The following INO80 variants were observed in gnomAD, a reference collection of about 807,000 sequenced individuals.
INO80 encodes chromatin-remodeling ATPase INO80.
Under a neutral mutation model 203.4 loss-of-function variants are expected in INO80, and 20 were observed. That is an observed-to-expected ratio of 0.10 (90% CI 0.07 to 0.14). The LOEUF is 0.14. Among genes scored for constraint, INO80 ranks in the 10% least tolerant of loss-of-function variants. The pLI, the probability that INO80 is intolerant of heterozygous loss-of-function variation, is 1.00. For synonymous variants in INO80, 726 were observed against 685.2 expected (o/e 1.06, Z -0.93); for missense variants, 1,419 against 1,914.4 (o/e 0.74, Z 4.83).
At chr15:41,060,046 C>T (rs1249942287) in intron 14 of INO80, 120 bp from the exon 15 acceptor site, 2 of 644,996 alleles carry the variant, frequency 3.1e-6, no homozygotes, top group African/African-American at 3.8e-5. Flanking sequence ...GAATTCCTCT[C>T]CTGCCAATGG....
chr15:40,986,984 C>T (rs2043744366), intron 31 of INO80, 107 bp downstream of exon 31: 3 of 602,656 alleles, frequency 5.0e-6, no homozygotes, highest in East Asian at 2.8e-5. Context: ...CACAAAAATA[C>T]TTTCCCTAAA....
chr15:41,104,402 T>C (rs1269638343), intron 1 of INO80, among the ~76,000 whole-genome samples: 1 of 152,122 alleles, frequency 6.6e-6, no homozygotes, highest in South Asian at 2.1e-4. Context: ...TCAGCTGCCC[T>C]GCCAACAGCT....
chr15:41,078,260 T>C (rs897784096), intron 9 of INO80, among the ~76,000 whole-genome samples: 30 of 152,152 alleles, frequency 2.0e-4, no homozygotes, highest in Non-Finnish European at 4.1e-4. Flanking sequence ...CGAAGTAGAT[T>C]AAGAAAACAG....
At chr15:41,108,442 A>G (rs1028234680) in intron 1 of INO80, among the ~76,000 whole-genome samples, 2 of 151,818 alleles carry the variant, frequency 1.3e-5, no homozygotes, top group African/African-American at 4.8e-5. Flanking sequence ...AATACAAAAA[A>G]TTAGCCGGGC....
At chr15:41,075,857 T>A (rs944543871) in intron 9 of INO80, among the ~76,000 whole-genome samples, 1 of 152,060 alleles carries the variant, frequency 6.6e-6, no homozygotes, top group African/African-American at 2.4e-5. Flanking sequence ...CCTCACAAAG[T>A]GCTGGGATTA....
intron 14 of INO80, among the ~76,000 whole-genome samples, chr15:41,066,963 T>C (rs1442891255): frequency 1.3e-5 from 2 of 152,084 alleles, no homozygotes; most frequent in African/African-American, 4.8e-5. Context: ...GGCATACTTA[T>C]AAAGTCAAAG....
At chr15:41,047,857 T>C (rs2044797105) in intron 22 of INO80, among the ~76,000 whole-genome samples, 1 of 152,166 alleles carries the variant, frequency 6.6e-6, no homozygotes, top group South Asian at 2.1e-4. Flanking sequence ...TTTTGGACAA[T>C]GAGCAAAGCT....
chr15:41,033,777 C>A (rs930889410), intron 24 of INO80, among the ~76,000 whole-genome samples: 2 of 152,224 alleles, frequency 1.3e-5, no homozygotes, highest in African/African-American at 2.4e-5. Flanking sequence ...TTAGGCCAGG[C>A]GCAGTGGCTC....
At chr15:41,111,730 G>C (rs2045961620) in intron 1 of INO80, among the ~76,000 whole-genome samples, 1 of 151,884 alleles carries the variant, frequency 6.6e-6, no homozygotes, top group Admixed American at 6.6e-5. Context: ...TTGAACTCGG[G>C]AGGCGGAGGT....
At chr15:41,060,763 A>T (rs1257894841) in intron 14 of INO80, among the ~76,000 whole-genome samples, 1 of 152,176 alleles carries the variant, frequency 6.6e-6, no homozygotes, top group Non-Finnish European at 1.5e-5. Flanking sequence ...ATTCCAGATT[A>T]AAAAGGCTTT....
intron 13 of INO80, 32 bp from the exon 14 acceptor site, chr15:41,069,697 A>T (rs762539287): frequency 8.2e-7 from 1 of 1,218,974 alleles, no homozygotes; most frequent in East Asian, 2.3e-5. Flanking sequence ...AGCCAACTAC[A>T]GGAAAAGGGA....
chr15:41,115,547 G>A (rs979308117), intron 1 of INO80, among the ~76,000 whole-genome samples: 11 of 152,186 alleles, frequency 7.2e-5, no homozygotes, highest in Non-Finnish European at 1.5e-4. Flanking sequence ...GATCTCATTT[G>A]TTTAAAATGA....
At chr15:41,052,857 C>CA (rs886971015) in intron 19 of INO80, among the ~76,000 whole-genome samples, 44,248 of 93,432 alleles carry the variant, frequency 0.47, 9,055 homozygotes, top group Middle Eastern at 0.56. Context: ...CTGGTCGCTA[C>CA]AAAAAAAAAA....
At chr15:41,081,970 C>T (rs753928198) in intron 7 of INO80, among the ~76,000 whole-genome samples, 3 of 152,070 alleles carry the variant, frequency 2.0e-5, no homozygotes, top group Non-Finnish European at 4.4e-5. Context: ...CATTTCCTGG[C>T]CAGGAATGGT....
intron 19 of INO80, among the ~76,000 whole-genome samples, chr15:41,052,048 G>A (rs1194453577): frequency 6.6e-6 from 1 of 151,852 alleles, no homozygotes; most frequent in Non-Finnish European, 1.5e-5. Flanking sequence ...CTGAGGTGGG[G>A]GGATCCCATG....
At position 41,113,369 on chromosome 15, in the gene INO80, C is replaced by T. The variant is rs535975443; in HGVS notation, c.-44+2604G>A. On this transcript the variant is annotated intron_variant, in intron 1 of 35. Transcript: ENST00000648947. Reference sequence around the variant, plus strand: ...GCAACCTCCGCCTCCCGGGTTCAAGCGATTCTCCTGCCTCAGCCTCCTGAG... The same window carrying T: ...GCAACCTCCGCCTCCCGGGTTCAAGTGATTCTCCTGCCTCAGCCTCCTGAG... 3.6e-3 allele frequency among the ~76,000 whole-genome samples: 549 copies of T among 152,136 alleles called. 4 individuals carry two copies. The highest frequency in any genetic ancestry group is 0.027 in the South Asian group (128 of 4,822).
In INO80 at chr15:41,087,552, A is replaced by T. The variant is rs2045580244; in HGVS notation, c.658+10T>A. The T allele has an allele frequency of 6.2e-7, 1 of 1,613,446 alleles. No homozygotes were observed. Among genetic ancestry groups the T allele is most frequent in the Non-Finnish European group, 8.5e-7 (1 of 1,179,858 alleles). On this transcript the variant is annotated intron_variant, in intron 6 of 35. Transcript: ENST00000648947. ...ATGAATATACGTGGAAGGCAGTTCA[A>T]CATGCTCACCTTTAAGTTTCTTTTC...
intron 25 of INO80, among the ~76,000 whole-genome samples, chr15:41,022,550 A>C (rs1280256780): frequency 6.6e-6 from 1 of 152,182 alleles, no homozygotes; most frequent in Non-Finnish European, 1.5e-5. Context: ...ACATATGAAC[A>C]GCTGACCATG....
chr15:41,043,336 A>G (rs1196360396), intron 24 of INO80, among the ~76,000 whole-genome samples: 2 of 152,200 alleles, frequency 1.3e-5, no homozygotes, highest in Non-Finnish European at 2.9e-5. Flanking sequence ...TCTTTACAGA[A>G]GATTAAGCAA....
Sources: gnomAD v4.1 joint callset for allele counts (sites outside exome capture counted in the v4.1 genomes callset) on GRCh38, gnomAD v4.1.1 for gene constraint, MANE v1.5 for transcripts, NCBI Gene and HGNC (gene_info 2026-07-23, HGNC 2026-07-21) for gene names.